PTPRE: variants seen among roughly 807,000 people sequenced by gnomAD.
PTPRE encodes receptor-type tyrosine-protein phosphatase epsilon.
PTPRE carries 51 observed loss-of-function variants against 102.0 expected under a neutral mutation model. The ratio of observed to expected loss-of-function variants is 0.50; its 90% CI spans 0.40 to 0.63. PTPRE has a LOEUF of 0.63. Ranked by LOEUF, PTPRE falls within the 30% of genes least tolerant of loss-of-function variation. The pLI, the probability that PTPRE is intolerant of heterozygous loss-of-function variation, is 0.00. For missense variants in PTPRE, 752 were observed against 915.1 expected (o/e 0.82, Z 2.30); for synonymous variants, 345 against 348.2 (o/e 0.99, Z 0.10).
intron 1 of PTPRE, among the ~76,000 whole-genome samples, chr10:127,911,299 G>A (rs972441661): frequency 6.6e-6 from 1 of 152,130 alleles, no homozygotes. Context: ...TACCATGAAG[G>A]CATTCATTCT....
At chr10:127,920,429 G>T (rs1460257621) in intron 1 of PTPRE, among the ~76,000 whole-genome samples, 1 of 152,184 alleles carries the variant, frequency 6.6e-6, no homozygotes, top group African/African-American at 2.4e-5. Flanking sequence ...GACAGCTCAT[G>T]TGGCCAAGCA....
At chr10:128,082,191 C>A (rs1304683620) in intron 20 of PTPRE, among the ~76,000 whole-genome samples, 1 of 55,404 alleles carries the variant, frequency 1.8e-5, no homozygotes, top group Non-Finnish European at 3.1e-5. Context: ...ATTTTTTTCT[C>A]TTTCTTTTTT....
intron 1 of PTPRE, among the ~76,000 whole-genome samples, chr10:127,976,831 G>T (rs1851219370): frequency 6.6e-6 from 1 of 152,214 alleles, no homozygotes; most frequent in Admixed American, 6.5e-5. Context: ...CAAGGAAGCT[G>T]TGAGTATGAT....
intron 11 of PTPRE, 149 bp from the exon 12 acceptor site, chr10:128,067,974 G>A: frequency 2.3e-6 from 2 of 866,370 alleles, no homozygotes; most frequent in Non-Finnish European, 3.5e-6. Flanking sequence ...GGTCCAGGCT[G>A]TCTGGCTCAG....
intron 1 of PTPRE, among the ~76,000 whole-genome samples, chr10:127,910,834 A>G (rs1325139492): frequency 6.6e-6 from 1 of 152,226 alleles, no homozygotes; most frequent in Non-Finnish European, 1.5e-5. Flanking sequence ...CTGTAATCCC[A>G]GCACTTTGGG....
intron 1 of PTPRE, among the ~76,000 whole-genome samples, chr10:127,969,859 G>C (rs1850579951): frequency 6.6e-6 from 1 of 152,128 alleles, no homozygotes; most frequent in African/African-American, 2.4e-5. Context: ...TCATGAAGGA[G>C]GCTGTTGGTT....
At chr10:127,922,306 T>C (rs1345936718) in intron 1 of PTPRE, among the ~76,000 whole-genome samples, 1 of 152,226 alleles carries the variant, frequency 6.6e-6, no homozygotes, top group Non-Finnish European at 1.5e-5. Context: ...ACAAAACCCA[T>C]AGGTGCCCTT....
chr10:127,943,350 C>T (rs890920259), intron 1 of PTPRE, among the ~76,000 whole-genome samples: 11 of 152,194 alleles, frequency 7.2e-5, no homozygotes, highest in African/African-American at 7.2e-5. Flanking sequence ...CTGTAACCCT[C>T]GAGTTGAGGA....
At chr10:127,975,837 G>C (rs908493885) in intron 1 of PTPRE, among the ~76,000 whole-genome samples, 1 of 152,124 alleles carries the variant, frequency 6.6e-6, no homozygotes, top group African/African-American at 2.4e-5. Context: ...CCTTGTTTTC[G>C]AGGACTGCTG....
rs770804246 is a variant in PTPRE at position 128,073,322 on chromosome 10, C to G, written c.1465-15C>G. ...GAAGGAAGTCAGACTCTAACCTCTG[C>G]GCCTCCATTTGAAGGGCTACCGACA... On this transcript the variant is annotated splice_polypyrimidine_tract_variant and intron_variant, in intron 16 of 20. Coordinates refer to ENST00000254667, the MANE Select transcript of PTPRE (RefSeq NM_006504.6). The G allele has an allele frequency of 2.5e-6, 4 of 1,613,448 alleles. No homozygotes were observed. In the African/African-American group the frequency reaches 4.0e-5, roughly 16 times the overall value.
intron 1 of PTPRE, among the ~76,000 whole-genome samples, chr10:127,928,890 TGCCTTTCACACAGGAAAAC>T (rs1847219268): frequency 6.6e-6 from 1 of 152,206 alleles, no homozygotes; most frequent in Non-Finnish European, 1.5e-5. Flanking sequence ...CATGGTCAGT[TGCCTTTCACACAGGAAAAC>T]AAAGATTAGC....
intron 1 of PTPRE, among the ~76,000 whole-genome samples, chr10:127,961,035 A>T (rs923027460): frequency 2.2e-4 from 33 of 147,874 alleles, no homozygotes; most frequent in African/African-American, 8.3e-4. Flanking sequence ...AAAAAAAAAT[A>T]CAGAAACAAG....
At chr10:127,991,756 ACT>A (rs1465142930) in intron 2 of PTPRE, among the ~76,000 whole-genome samples, 1 of 152,056 alleles carries the variant, frequency 6.6e-6, no homozygotes, top group East Asian at 1.9e-4. Context: ...CACTCTGATG[ACT>A]CTGACTGGCC....
At chr10:128,064,648 T>G (rs1849902685) in intron 10 of PTPRE, among the ~76,000 whole-genome samples, 1 of 152,236 alleles carries the variant, frequency 6.6e-6, no homozygotes, top group African/African-American at 2.4e-5. Context: ...CTTTCAGTCA[T>G]TCTGCTGAAA....
intron 7 of PTPRE, among the ~76,000 whole-genome samples, chr10:128,060,149 A>G (rs1293960348): frequency 6.7e-6 from 1 of 149,186 alleles, no homozygotes; most frequent in African/African-American, 2.5e-5. Flanking sequence ...CACAGCATAC[A>G]CACTACACAC....
intron 4 of PTPRE, 109 bp from the exon 5 acceptor site, chr10:128,047,655 A>G: frequency 1.9e-6 from 3 of 1,614,184 alleles, no homozygotes; most frequent in Non-Finnish European, 2.5e-6. Context: ...AGCCATGAGC[A>G]ACAGGAGTAG....
intron 1 of PTPRE, chr10:127,929,389 A>C (rs1847252129): frequency 6.6e-6 from 1 of 152,240 alleles, no homozygotes; most frequent in African/African-American, 2.4e-5. Context: ...CATGGCAAGT[A>C]GGTAAAACTG....
chr10:127,922,354 G>C (rs1347690971), intron 1 of PTPRE, among the ~76,000 whole-genome samples: 2 of 152,244 alleles, frequency 1.3e-5, no homozygotes, highest in Non-Finnish European at 2.9e-5. Context: ...TGAATCTGGG[G>C]GTCCTGTGGG....
chr10:128,052,647 T>G (rs1848644176), intron 6 of PTPRE, among the ~76,000 whole-genome samples: 1 of 152,146 alleles, frequency 6.6e-6, no homozygotes, highest in Non-Finnish European at 1.5e-5. Flanking sequence ...TCCTGGAAAG[T>G]GAGCACCACT....
Sources: gnomAD v4.1 joint callset for allele counts (sites outside exome capture counted in the v4.1 genomes callset) on GRCh38, gnomAD v4.1.1 for gene constraint, MANE v1.5 for transcripts, NCBI Gene and HGNC (gene_info 2026-07-23, HGNC 2026-07-21) for gene names.